Variants in EFCAB11 observed in about 807,000 individuals in gnomAD.
EFCAB11 encodes the protein EF-hand calcium binding domain 11.
In EFCAB11, 14 loss-of-function variants were observed where a neutral mutation model predicts 23.0. The observed-to-expected ratio is 0.61, with a 90% confidence interval of 0.40 to 0.95. EFCAB11 has a LOEUF of 0.95. Ranked by LOEUF, EFCAB11 falls within the 40% of genes least tolerant of loss-of-function variation. The pLI is 0.00. For synonymous variants in EFCAB11, 65 were observed against 66.6 expected (o/e 0.98, Z 0.11); for missense variants, 198 against 195.8 (o/e 1.01, Z -0.07).
intron 5 of EFCAB11, among the ~76,000 whole-genome samples, chr14:89,914,614 G>A (rs925372330): frequency 1.3e-5 from 2 of 152,012 alleles, no homozygotes; most frequent in Non-Finnish European, 2.9e-5. Context: ...GTGAAACCCC[G>A]TCTCTACTAA....
At chr14:89,829,010 T>C (rs991922552) in intron 5 of EFCAB11, among the ~76,000 whole-genome samples, 33 of 152,360 alleles carry the variant, frequency 2.2e-4, no homozygotes, top group African/African-American at 7.7e-4. Context: ...AGCATGATAA[T>C]TGCACTCACA....
At chr14:89,949,161 T>G (rs1350149777) in intron 3 of EFCAB11, among the ~76,000 whole-genome samples, 1 of 152,128 alleles carries the variant, frequency 6.6e-6, no homozygotes, top group Non-Finnish European at 1.5e-5. Flanking sequence ...AAAGGATTAA[T>G]GCTCGAGGAG....
chr14:89,953,255 T>C (rs934698245), intron 2 of EFCAB11, among the ~76,000 whole-genome samples: 2 of 151,026 alleles, frequency 1.3e-5, no homozygotes, highest in African/African-American at 4.9e-5. Context: ...GGAACCTGGC[T>C]AAAAAGAATA....
At chr14:89,803,997 A>G (rs1178752402) in intron 5 of EFCAB11, among the ~76,000 whole-genome samples, 2 of 152,226 alleles carry the variant, frequency 1.3e-5, no homozygotes, top group Non-Finnish European at 2.9e-5. Flanking sequence ...AGGCTCCAAC[A>G]TGACTTTGGC....
chr14:89,848,972 A>C (rs559873798), intron 5 of EFCAB11: 1 of 152,332 alleles, frequency 6.6e-6, no homozygotes, highest in African/African-American at 2.4e-5. Flanking sequence ...ATTCTGGTTG[A>C]AAAGGAATAA....
At chr14:89,925,372 A>T (rs1890156805) in intron 5 of EFCAB11, among the ~76,000 whole-genome samples, 1 of 152,232 alleles carries the variant, frequency 6.6e-6, no homozygotes, top group Non-Finnish European at 1.5e-5. Flanking sequence ...GAAAAACAAA[A>T]GATAGCACTA....
chr14:89,854,930 G>A (rs1446299865), intron 5 of EFCAB11, among the ~76,000 whole-genome samples: 1 of 152,204 alleles, frequency 6.6e-6, no homozygotes, highest in African/African-American at 2.4e-5. Context: ...GGAAGTCTCA[G>A]TAGCTTGGTC....
intron 5 of EFCAB11, among the ~76,000 whole-genome samples, chr14:89,843,516 T>C (rs1365113272): frequency 2.0e-5 from 3 of 152,168 alleles, no homozygotes; most frequent in East Asian, 1.9e-4. Flanking sequence ...CATAGATTCA[T>C]AGTTAAAAAG....
At chr14:89,889,448 C>T (rs1888894956) in intron 5 of EFCAB11, among the ~76,000 whole-genome samples, 1 of 152,202 alleles carries the variant, frequency 6.6e-6, no homozygotes, top group Non-Finnish European at 1.5e-5. Flanking sequence ...GGGCTTAGAA[C>T]AGTGCTTGCC....
intron 5 of EFCAB11, among the ~76,000 whole-genome samples, chr14:89,919,435 G>A (rs1336128953): frequency 6.6e-6 from 1 of 152,170 alleles, no homozygotes; most frequent in African/African-American, 2.4e-5. Context: ...GGAAAAAGTG[G>A]TGTCAACATT....
At chr14:89,819,425 T>G (rs1886436081) in intron 5 of EFCAB11, among the ~76,000 whole-genome samples, 1 of 148,742 alleles carries the variant, frequency 6.7e-6, no homozygotes, top group Non-Finnish European at 1.5e-5. Flanking sequence ...TTTCTATCTT[T>G]TTTTTCTTCC....
chr14:89,918,857 G>A (rs561674607), intron 5 of EFCAB11, among the ~76,000 whole-genome samples: 3 of 151,702 alleles, frequency 2.0e-5, no homozygotes, highest in African/African-American at 2.4e-5. Context: ...TGTCAACTAC[G>A]TGCCATCCCT....
intron 5 of EFCAB11, among the ~76,000 whole-genome samples, chr14:89,884,245 G>T (rs1888685132): frequency 1.3e-5 from 2 of 152,146 alleles, no homozygotes; most frequent in South Asian, 2.1e-4. Flanking sequence ...TTTACTATTG[G>T]TCTACTGCAT....
intron 5 of EFCAB11, among the ~76,000 whole-genome samples, chr14:89,894,110 C>G (rs1243919982): frequency 6.6e-6 from 1 of 152,100 alleles, no homozygotes; most frequent in African/African-American, 2.4e-5. Context: ...CATCACGCCC[C>G]CGGCTTATTT....
At chr14:89,864,247 T>C (rs956795849) in intron 5 of EFCAB11, among the ~76,000 whole-genome samples, 1 of 152,158 alleles carries the variant, frequency 6.6e-6, no homozygotes, top group East Asian at 1.9e-4. Context: ...AACTGAGCCA[T>C]ACTAACAAAT....
chr14:89,954,568 C>T lies in EFCAB11; in HGVS notation c.75+18G>A, dbSNP rs752364957. 8.7e-6 allele frequency: 14 copies of T among 1,612,700 alleles called. No homozygotes were observed. The East Asian group carries it at 2.7e-4, about 31-fold the overall frequency. ...GCCAAGCTGAAGTCCGAGGCTCAGTCGCCCTCCGGAAACCTACTTCCACCC... is the reference window on the plus strand; with the variant it reads ...GCCAAGCTGAAGTCCGAGGCTCAGTTGCCCTCCGGAAACCTACTTCCACCC... On this transcript the variant is annotated intron_variant, in intron 1 of 5. Transcript: ENST00000316738.
chr14:89,887,546 C>T (rs574371762), intron 5 of EFCAB11, among the ~76,000 whole-genome samples: 27 of 152,118 alleles, frequency 1.8e-4, no homozygotes, highest in Non-Finnish European at 3.2e-4. Flanking sequence ...AGCATGACTC[C>T]TTATGTGGTA....
chr14:89,935,537 C>T (rs747131643), intron 3 of EFCAB11, among the ~76,000 whole-genome samples: 4 of 151,974 alleles, frequency 2.6e-5, no homozygotes, highest in Non-Finnish European at 5.9e-5. Flanking sequence ...TCAGTCTCCC[C>T]AGTAGCCGGA....
At chr14:89,862,646 CA>C (rs1260634242) in intron 5 of EFCAB11, among the ~76,000 whole-genome samples, 1 of 152,172 alleles carries the variant, frequency 6.6e-6, no homozygotes, top group Non-Finnish European at 1.5e-5. Context: ...CATGGAACTA[CA>C]ACACATAAGT....
Sources: gnomAD v4.1 joint callset for allele counts (sites outside exome capture counted in the v4.1 genomes callset) on GRCh38, gnomAD v4.1.1 for gene constraint, MANE v1.5 for transcripts, NCBI Gene and HGNC (gene_info 2026-07-23, HGNC 2026-07-21) for gene names.